GMPS: variants seen among roughly 807,000 people sequenced by gnomAD.
GMPS encodes GMP synthase [glutamine-hydrolyzing].
In GMPS, 15 loss-of-function variants were observed where a neutral mutation model predicts 77.9. That is an observed-to-expected ratio of 0.19 (90% confidence interval 0.13 to 0.30). GMPS has a LOEUF of 0.30. Among genes scored for constraint, GMPS ranks in the 10% least tolerant of loss-of-function variants. The probability of loss-of-function intolerance (pLI) is 1.00; values close to 1 mark genes in which losing one functional copy is unlikely to be tolerated. For synonymous variants in GMPS, 224 were observed against 275.9 expected, an observed-to-expected ratio of 0.81 and a Z score of 1.86; for missense variants, 590 against 838.8, an observed-to-expected ratio of 0.70 and a Z score of 3.66.
At chr3:155,927,940 T>C (rs1184597789) in intron 12 of GMPS, among the ~76,000 whole-genome samples, 2 of 152,110 alleles carry the variant, frequency 1.3e-5, no homozygotes, top group Admixed American at 6.6e-5. Context: ...TAAACTGTTC[T>C]GTTTTTTATT....
rs946704276 is a variant in GMPS at position 155,935,098 on chromosome 3, C to T, written c.1807+52C>T. On this transcript the variant is annotated intron_variant, in intron 14 of 15. Coordinates refer to ENST00000496455, the MANE Select transcript of GMPS (RefSeq NM_003875.3). Reference sequence around the variant, plus strand: ...ACCCTCTGAAACTAGTTTTTGGAAGCTTGATATTAAGAGTAGGAGGATGTG... The same window carrying T: ...ACCCTCTGAAACTAGTTTTTGGAAGTTTGATATTAAGAGTAGGAGGATGTG... The T allele has an allele frequency of 5.3e-6, 7 of 1,319,226 alleles. No homozygotes were observed. In the East Asian group the frequency reaches 1.6e-4, roughly 30 times the overall value. The allele number at this position is 1,319,226 out of a possible 1,614,324, so 81.7% of individuals were successfully genotyped here. A position where few individuals can be genotyped will look rare whatever the true frequency, so the allele number is the denominator to read the frequency against.
At chr3:155,875,477 G>A (rs1302405766) in intron 1 of GMPS, among the ~76,000 whole-genome samples, 2 of 152,158 alleles carry the variant, frequency 1.3e-5, no homozygotes, top group Non-Finnish European at 1.5e-5. Context: ...GTGATCCACC[G>A]GCCTCACCTC....
At chr3:155,911,365 C>A in intron 7 of GMPS, 86 bp downstream of exon 7, 1 of 731,378 alleles carries the variant, frequency 1.4e-6, no homozygotes, top group Non-Finnish European at 2.1e-6. Context: ...AGCACAATTA[C>A]AGTTTTCTCA....
chr3:155,942,708 C>G lies in GMPS; in HGVS notation c.*5016C>G. The G allele has an allele frequency of 4.4e-6, 1 of 228,172 alleles. No individual in the cohort carries two copies. The highest frequency in any genetic ancestry group is 8.7e-6 in the Non-Finnish European group (1 of 114,882). The allele number at this position is 228,172 out of a possible 1,614,324, so 14.1% of individuals were successfully genotyped here. A position where few individuals can be genotyped will look rare whatever the true frequency, so the allele number is the denominator to read the frequency against. On this transcript the variant is annotated 3_prime_UTR_variant, in exon 16 of 16. Coordinates refer to ENST00000496455, the MANE Select transcript of GMPS (RefSeq NM_003875.3). ...TGTAGGCTGTTCTTTCAACCTCTTT[C>G]TTCTTACTTCTTTACTTTTCCTTCA...
intron 4 of GMPS, 86 bp downstream of exon 4, chr3:155,904,046 A>C: frequency 1.6e-6 from 1 of 617,862 alleles, no homozygotes; most frequent in East Asian, 2.9e-5. Flanking sequence ...GAGATTCTAT[A>C]ATTCATAAAC....
At chr3:155,921,591 G>T (rs1755317458) in intron 10 of GMPS, among the ~76,000 whole-genome samples, 2 of 152,190 alleles carry the variant, frequency 1.3e-5, no homozygotes, top group Admixed American at 6.5e-5. Context: ...AGCTTCTGGA[G>T]TTCAAGACCA....
At chr3:155,896,364 C>T (rs999965821) in intron 2 of GMPS, among the ~76,000 whole-genome samples, 19 of 152,132 alleles carry the variant, frequency 1.2e-4, no homozygotes, top group Admixed American at 7.2e-4. Context: ...GGGGTAACCC[C>T]ATCCCCCTTT....
intron 9 of GMPS, among the ~76,000 whole-genome samples, 196 bp downstream of exon 9, chr3:155,916,388 C>A (rs1755180306): frequency 2.0e-5 from 3 of 152,090 alleles, no homozygotes; most frequent in African/African-American, 7.2e-5. Flanking sequence ...TCATTGTCAT[C>A]CTGCCCCCAC....
intron 9 of GMPS, among the ~76,000 whole-genome samples, chr3:155,916,533 G>A (rs1755183878): frequency 1.3e-5 from 2 of 152,106 alleles, no homozygotes; most frequent in African/African-American, 4.8e-5. Flanking sequence ...GGTCTTTTAT[G>A]ACTGGCTTCT....
intron 3 of GMPS, among the ~76,000 whole-genome samples, chr3:155,900,626 G>T (rs1210434940): frequency 6.6e-6 from 1 of 152,098 alleles, no homozygotes; most frequent in African/African-American, 2.4e-5. Flanking sequence ...CATTATGTCA[G>T]TTTCCTGATA....
At chr3:155,898,774 G>C (rs1754661281) in intron 3 of GMPS, among the ~76,000 whole-genome samples, 1 of 152,206 alleles carries the variant, frequency 6.6e-6, no homozygotes, top group Non-Finnish European at 1.5e-5. Flanking sequence ...GAGTATCACA[G>C]AATTGGTGCT....
At chr3:155,904,019 A>G in intron 4 of GMPS, 59 bp downstream of exon 4, 1 of 694,140 alleles carries the variant, frequency 1.4e-6, no homozygotes. Flanking sequence ...AGTTGATACT[A>G]TTATTTTTAA....
chr3:155,873,175 G>C (rs1292030916), intron 1 of GMPS, among the ~76,000 whole-genome samples: 1 of 152,196 alleles, frequency 6.6e-6, no homozygotes, highest in African/African-American at 2.4e-5. Flanking sequence ...CAGTTATCAG[G>C]ATTTTCTAAA....
Position 155,891,411 on chromosome 3 carries a change from T to C in GMPS, c.28-2107T>C, listed in dbSNP as rs146764394. Among the ~76,000 whole-genome samples, 469 of 152,266 alleles carry C rather than the reference T, an allele frequency of 3.1e-3. 3 individuals are homozygous for C. Among genetic ancestry groups the C allele is most frequent in the African/African-American group, 0.011 (450 of 41,544 alleles). On this transcript the variant is annotated intron_variant, in intron 1 of 15. Transcript: ENST00000496455. Reference sequence around the variant, plus strand: ...GAAAATCCATGAAGGGGTGTGTGTATGTGTATACATTAATACTAAGGGTAA... The same window carrying C: ...GAAAATCCATGAAGGGGTGTGTGTACGTGTATACATTAATACTAAGGGTAA...
intron 10 of GMPS, among the ~76,000 whole-genome samples, chr3:155,920,993 G>T (rs980149744): frequency 1.3e-5 from 2 of 152,168 alleles, no homozygotes; most frequent in African/African-American, 4.8e-5. Context: ...TGTAATTCCA[G>T]CACTTTGGGA....
At chr3:155,903,478 T>C (rs1450251281) in intron 3 of GMPS, among the ~76,000 whole-genome samples, 1 of 152,216 alleles carries the variant, frequency 6.6e-6, no homozygotes, top group Non-Finnish European at 1.5e-5. Context: ...ACAAGGTTCT[T>C]GTTGTCTGCT....
intron 7 of GMPS, among the ~76,000 whole-genome samples, chr3:155,912,747 G>C (rs1755073602): frequency 6.6e-6 from 1 of 152,184 alleles, no homozygotes; most frequent in South Asian, 2.1e-4. Context: ...TGACATAGCA[G>C]AATGGAGGAA....
chr3:155,937,446 A>G, intron 15 of GMPS, 145 bp from the exon 16 acceptor site: 1 of 601,780 alleles, frequency 1.7e-6, no homozygotes, highest in Non-Finnish European at 3.0e-6. Context: ...GGTTCATTAT[A>G]TAAGATTAAT....
At chr3:155,906,662 T>C (rs1327141470) in intron 5 of GMPS, among the ~76,000 whole-genome samples, 5 of 152,192 alleles carry the variant, frequency 3.3e-5, no homozygotes, top group Non-Finnish European at 7.3e-5. Flanking sequence ...AAATAAGTAC[T>C]CAAGACATTT....
Sources: gnomAD v4.1 joint callset for allele counts (sites outside exome capture counted in the v4.1 genomes callset) on GRCh38, gnomAD v4.1.1 for gene constraint, MANE v1.5 for transcripts, NCBI Gene and HGNC (gene_info 2026-07-23, HGNC 2026-07-21) for gene names.